The following GRID2 variants were observed in gnomAD, a reference collection of about 807,000 sequenced individuals.
GRID2 encodes the protein glutamate receptor ionotropic, delta-2.
A neutral mutation model predicts 114.8 loss-of-function variants in GRID2; 33 were observed. The observed-to-expected ratio is 0.29, with a 90% CI of 0.22 to 0.38. The LOEUF (loss-of-function observed/expected upper bound fraction) is 0.38. GRID2 is among the 10% of genes least tolerant of loss of function. GRID2 has a pLI of 1.00. For missense variants in GRID2, 1,184 were observed against 1,257.7 expected, an observed-to-expected ratio of 0.94 and a Z score of 0.89; for synonymous variants, 505 against 449.9, an observed-to-expected ratio of 1.12 and a Z score of -1.55.
intron 1 of GRID2, among the ~76,000 whole-genome samples, chr4:92,450,225 G>T (rs942419658): frequency 6.6e-6 from 1 of 151,988 alleles, no homozygotes; most frequent in Non-Finnish European, 1.5e-5. Flanking sequence ...TACCTATCTT[G>T]TGCCTGATGT....
chr4:93,148,738 G>T (rs2149394494), intron 4 of GRID2, among the ~76,000 whole-genome samples: 2 of 152,156 alleles, frequency 1.3e-5, no homozygotes, highest in East Asian at 3.9e-4. Flanking sequence ...TTACAGTGTT[G>T]GAATAGAAGC....
At chr4:93,371,592 C>T (rs1043667893) in intron 8 of GRID2, among the ~76,000 whole-genome samples, 32 of 152,026 alleles carry the variant, frequency 2.1e-4, no homozygotes, top group African/African-American at 7.0e-4. Context: ...CATGTCTGAT[C>T]TTTCAGGATT....
chr4:92,843,283 C>T (rs1422906454), intron 2 of GRID2, among the ~76,000 whole-genome samples: 1 of 151,722 alleles, frequency 6.6e-6, no homozygotes, highest in African/African-American at 2.4e-5. Context: ...AGTCAAGAAG[C>T]TGAATATAAA....
intron 1 of GRID2, among the ~76,000 whole-genome samples, chr4:92,443,352 T>C (rs1317317704): frequency 6.6e-6 from 1 of 152,120 alleles, no homozygotes; most frequent in East Asian, 1.9e-4. Flanking sequence ...ATTTAGGTTT[T>C]AGGTCAGGTG....
intron 2 of GRID2, among the ~76,000 whole-genome samples, chr4:92,754,870 A>G (rs974651377): frequency 2.6e-5 from 4 of 152,156 alleles, no homozygotes; most frequent in African/African-American, 9.7e-5. Flanking sequence ...TGCTATGTAT[A>G]TTTTATATCT....
At chr4:93,349,972 T>C (rs1057334812) in intron 8 of GRID2, among the ~76,000 whole-genome samples, 1 of 152,084 alleles carries the variant, frequency 6.6e-6, no homozygotes, top group African/African-American at 2.4e-5. Context: ...TTGATATTCA[T>C]AATCTGATAT....
At chr4:93,784,994 C>A (rs560502347) in intron 1 of GRID2, among the ~76,000 whole-genome samples, 1 of 152,158 alleles carries the variant, frequency 6.6e-6, no homozygotes, top group Non-Finnish European at 1.5e-5. Flanking sequence ...TGGAACTGAG[C>A]CTTGAAAGAG....
chr4:92,692,919 A>C (rs1474640913), intron 2 of GRID2, among the ~76,000 whole-genome samples: 2 of 151,804 alleles, frequency 1.3e-5, no homozygotes, highest in East Asian at 3.9e-4. Context: ...GCTACTCGGG[A>C]GGCTGGGGCA....
At chr4:93,177,120 G>A (rs965097930) in intron 4 of GRID2, among the ~76,000 whole-genome samples, 7 of 152,120 alleles carry the variant, frequency 4.6e-5, no homozygotes, top group African/African-American at 1.4e-4. Context: ...TGCAAGATGA[G>A]TTATCCCAGT....
chr4:92,329,462 T>TA (rs2110140594), intron 1 of GRID2, among the ~76,000 whole-genome samples: 1 of 152,188 alleles, frequency 6.6e-6, no homozygotes, highest in Non-Finnish European at 1.5e-5. Flanking sequence ...ACTCATTTAC[T>TA]TAGTGTCTGT....
At chr4:92,686,520 A>G (rs1181518927) in intron 2 of GRID2, among the ~76,000 whole-genome samples, 1 of 151,984 alleles carries the variant, frequency 6.6e-6, no homozygotes, top group Non-Finnish European at 1.5e-5. Flanking sequence ...GTTCTTGTTA[A>G]GTTGAATTCT....
At chr4:92,710,685 T>G (rs984808366) in intron 2 of GRID2, among the ~76,000 whole-genome samples, 1 of 152,198 alleles carries the variant, frequency 6.6e-6, no homozygotes, top group Non-Finnish European at 1.5e-5. Flanking sequence ...TGATATCTTT[T>G]GTTCTTCTAG....
chr4:92,313,315 T>C (rs1579162573), intron 1 of GRID2, among the ~76,000 whole-genome samples: 2 of 152,092 alleles, frequency 1.3e-5, no homozygotes, highest in South Asian at 2.1e-4. Context: ...CAGTGGACTT[T>C]GGGGACTTGC....
chr4:92,458,821 G>A (rs1055019102), intron 1 of GRID2, among the ~76,000 whole-genome samples: 3 of 152,052 alleles, frequency 2.0e-5, no homozygotes, highest in Non-Finnish European at 2.9e-5. Flanking sequence ...AAATCTATTC[G>A]GAAAATATCT....
chr4:92,496,909 T>C (rs374510470), intron 1 of GRID2, among the ~76,000 whole-genome samples: 7 of 151,748 alleles, frequency 4.6e-5, no homozygotes, highest in Admixed American at 2.0e-4. Flanking sequence ...TCAAATATTG[T>C]CTTTTTTTCA....
At chr4:93,381,629 A>T (rs1215580757) in intron 8 of GRID2, among the ~76,000 whole-genome samples, 1 of 152,046 alleles carries the variant, frequency 6.6e-6, no homozygotes, top group Non-Finnish European at 1.5e-5. Context: ...ATTTAGATTT[A>T]TGCCAGTTTA....
At chr4:92,579,218 G>C (rs1293038449) in intron 1 of GRID2, among the ~76,000 whole-genome samples, 1 of 151,828 alleles carries the variant, frequency 6.6e-6, no homozygotes, top group Non-Finnish European at 1.5e-5. Context: ...AGTTCCATAA[G>C]TAAACATTCT....
intron 2 of GRID2, among the ~76,000 whole-genome samples, chr4:92,794,029 A>G (rs1050271591): frequency 2.0e-5 from 3 of 151,940 alleles, no homozygotes; most frequent in Non-Finnish European, 4.4e-5. Context: ...AATGCCGATT[A>G]GTGGCCATTG....
At chr4:92,876,254 A>G (rs1745618453) in intron 2 of GRID2, among the ~76,000 whole-genome samples, 2 of 151,140 alleles carry the variant, frequency 1.3e-5, no homozygotes. Flanking sequence ...ATGAAATTAA[A>G]AAAACCCAAT....
Sources: gnomAD v4.1 joint callset for allele counts (sites outside exome capture counted in the v4.1 genomes callset) on GRCh38, gnomAD v4.1.1 for gene constraint, MANE v1.5 for transcripts, NCBI Gene and HGNC (gene_info 2026-07-23, HGNC 2026-07-21) for gene names.